The following HYCC1 variants were observed in gnomAD, a reference collection of about 807,000 sequenced individuals.
HYCC1 encodes the protein hyccin.
the HYCC1 span, chr7:22,944,232 T>C: frequency 6.6e-6 from 1 of 152,310 alleles, no homozygotes; most frequent in African/African-American, 2.4e-5. Context: ...GCCTCAGCCG[T>C]GCTTTCTCTC....
the HYCC1 span, among the ~76,000 whole-genome samples, chr7:22,926,849 G>A: frequency 6.6e-6 from 1 of 151,546 alleles, no homozygotes; most frequent in South Asian, 2.1e-4. Flanking sequence ...GACATCTACA[G>A]AACTCTCCAC....
At chr7:23,008,393 C>T in the HYCC1 span, among the ~76,000 whole-genome samples, 2 of 151,868 alleles carry the variant, frequency 1.3e-5, no homozygotes, top group African/African-American at 2.4e-5. Flanking sequence ...ATGAAGAAAA[C>T]TCAAAACTAC....
the HYCC1 span, among the ~76,000 whole-genome samples, chr7:22,968,994 CA>C: frequency 4.8e-5 from 7 of 144,854 alleles, no homozygotes; most frequent in Middle Eastern, 3.5e-3. Flanking sequence ...TCAAAAAAAA[CA>C]AAAAAAAAAG....
chr7:22,993,324 TC>T, the HYCC1 span, among the ~76,000 whole-genome samples: 5 of 152,142 alleles, frequency 3.3e-5, no homozygotes, highest in African/African-American at 1.2e-4. Flanking sequence ...ACTTTCATAA[TC>T]TTAGGCTAGG....
the HYCC1 span, among the ~76,000 whole-genome samples, chr7:22,898,497 C>A: frequency 6.6e-6 from 1 of 151,772 alleles, no homozygotes; most frequent in South Asian, 2.1e-4. Context: ...CAGGTGTGAG[C>A]CACTGTGCCT....
chr7:23,005,509 T>C, the HYCC1 span, among the ~76,000 whole-genome samples: 1 of 152,232 alleles, frequency 6.6e-6, no homozygotes, highest in Non-Finnish European at 1.5e-5. Flanking sequence ...CAGATTCTAA[T>C]GCCCTAGTTA....
the HYCC1 span, among the ~76,000 whole-genome samples, chr7:23,009,472 A>G: frequency 4.6e-4 from 70 of 152,304 alleles, no homozygotes; most frequent in African/African-American, 1.6e-3. Flanking sequence ...ACAATCAGAC[A>G]AAACTTTTCA....
At chr7:22,968,760 A>G in the HYCC1 span, among the ~76,000 whole-genome samples, 4 of 152,118 alleles carry the variant, frequency 2.6e-5, no homozygotes, top group African/African-American at 9.6e-5. Flanking sequence ...AGGCCAAGGC[A>G]GATGGATCAC....
At chr7:22,924,477 C>G in the HYCC1 span, among the ~76,000 whole-genome samples, 2 of 152,204 alleles carry the variant, frequency 1.3e-5, no homozygotes, top group African/African-American at 4.8e-5. Flanking sequence ...TCGGGTCACT[C>G]CCACCCTAAT....
chr7:22,964,458 A>C, the HYCC1 span: 2 of 1,610,072 alleles, frequency 1.2e-6, no homozygotes, highest in Admixed American at 3.3e-5. Flanking sequence ...ATGAATCCTG[A>C]AGAAACTGGT....
At chr7:22,945,935 C>T in the HYCC1 span, 94 of 1,613,726 alleles carry the variant, frequency 5.8e-5, no homozygotes, top group Admixed American at 1.2e-3. Flanking sequence ...AGTTTGTTTT[C>T]GAGCAAAGTG....
the HYCC1 span, chr7:22,935,243 T>C: frequency 1.3e-5 from 2 of 152,258 alleles, no homozygotes; most frequent in Admixed American, 6.5e-5. Context: ...TTTTCTCTTG[T>C]GAAGACTGTA....
At chr7:23,013,791 G>A in the HYCC1 span, 3 of 372,606 alleles carry the variant, frequency 8.1e-6, no homozygotes, top group South Asian at 5.6e-5. Flanking sequence ...TACCCCCAGT[G>A]GAGCCGCGGC....
chr7:22,924,765 A>G, the HYCC1 span, among the ~76,000 whole-genome samples: 2 of 152,272 alleles, frequency 1.3e-5, no homozygotes, highest in Non-Finnish European at 1.5e-5. Flanking sequence ...GGCAGGGCAC[A>G]GACAAACAAA....
At chr7:22,945,600 A>G in the HYCC1 span, 1,599 of 1,606,440 alleles carry the variant, frequency 1.0e-3, 14 homozygotes, top group African/African-American at 0.018. Context: ...TAATCTGTGG[A>G]CAGAGTAATG....
At chr7:23,012,950 A>C in the HYCC1 span, among the ~76,000 whole-genome samples, 9 of 152,176 alleles carry the variant, frequency 5.9e-5, no homozygotes, top group Non-Finnish European at 8.8e-5. Flanking sequence ...GCAGTCTCTG[A>C]GATAAGAAGT....
chr7:22,972,965 T>C, the HYCC1 span, among the ~76,000 whole-genome samples: 3 of 152,238 alleles, frequency 2.0e-5, no homozygotes, highest in Non-Finnish European at 4.4e-5. Flanking sequence ...TGTAACACAT[T>C]TGTCACTGAA....
chr7:22,911,952 C>G, the HYCC1 span, among the ~76,000 whole-genome samples: 1 of 152,082 alleles, frequency 6.6e-6, no homozygotes, highest in African/African-American at 2.4e-5. Context: ...TGAAGCTTGG[C>G]TAGTGATTTT....
At chr7:22,936,329 T>C in the HYCC1 span, 1 of 152,212 alleles carries the variant, frequency 6.6e-6, no homozygotes, top group East Asian at 1.9e-4. Context: ...GTTCGGCTCC[T>C]GGCAGTAATA....
Sources: gnomAD v4.1 joint callset for allele counts (sites outside exome capture counted in the v4.1 genomes callset) on GRCh38, gnomAD v4.1.1 for gene constraint, MANE v1.5 for transcripts, NCBI Gene and HGNC (gene_info 2026-07-23, HGNC 2026-07-21) for gene names.